The following AHRR variants were observed in gnomAD, a reference collection of about 807,000 sequenced individuals.
The protein encoded by AHRR is aryl hydrocarbon receptor repressor.
In AHRR, 28 loss-of-function variants were observed where a neutral mutation model predicts 44.0. The ratio of observed to expected loss-of-function variants is 0.64; its 90% CI spans 0.47 to 0.87. AHRR has a LOEUF of 0.87. Ranked by LOEUF, AHRR falls within the 40% of genes least tolerant of loss-of-function variation. The probability of loss-of-function intolerance (pLI) is 0.00; values close to 1 mark genes in which losing one functional copy is unlikely to be tolerated. For synonymous variants in AHRR, 434 were observed against 407.0 expected (o/e 1.07, Z -0.80); for missense variants, 990 against 953.9 (o/e 1.04, Z -0.50).
intron 3 of AHRR, 56 bp downstream of exon 3, chr5:353,967 A>T (rs1742955878): frequency 1.3e-6 from 2 of 1,554,316 alleles, no homozygotes; most frequent in East Asian, 4.5e-5. Flanking sequence ...GTCTCCCCTG[A>T]GTCCATCTGG....
chr5:349,740 G>C (rs940829942), intron 2 of AHRR, among the ~76,000 whole-genome samples: 1 of 152,156 alleles, frequency 6.6e-6, no homozygotes, highest in Non-Finnish European at 1.5e-5. Flanking sequence ...TTTTACAGTA[G>C]TTTAAAGCAC....
intron 1 of AHRR, among the ~76,000 whole-genome samples, chr5:335,548 A>C (rs1343883059): frequency 6.6e-6 from 1 of 152,172 alleles, no homozygotes; most frequent in East Asian, 1.9e-4. Flanking sequence ...TGGACCAGGC[A>C]AGCTTGCTCT....
intron 5 of AHRR, chr5:422,463 CTT>C (rs1320290398): frequency 4.1e-6 from 2 of 489,268 alleles, no homozygotes; most frequent in African/African-American, 3.9e-5. Flanking sequence ...ATGCCCGTCT[CTT>C]AGCCTCCCGC....
intron 5 of AHRR, among the ~76,000 whole-genome samples, chr5:415,439 TCGGGCGGGAGGCC>T (rs1735712850): frequency 8.1e-6 from 1 of 122,806 alleles, no homozygotes; most frequent in African/African-American, 4.1e-5. Context: ...ATCTGCCTGG[TCGGGCGGGAGGCC>T]TAGGGGCCGA....
intron 3 of AHRR, among the ~76,000 whole-genome samples, chr5:368,646 C>T (rs1171144406): frequency 6.6e-6 from 1 of 152,212 alleles, no homozygotes; most frequent in East Asian, 1.9e-4. Context: ...TCCACGATAA[C>T]GTGGGGTTCC....
intron 3 of AHRR, 40 bp from the exon 4 acceptor site, chr5:376,570 A>AAGATGTGAATGAATGAGAGCGGAG: frequency 6.5e-7 from 1 of 1,527,276 alleles, no homozygotes; most frequent in Non-Finnish European, 8.8e-7. Flanking sequence ...GGCCAGGCCA[A>AAGATGTGAATGAATGAGAGCGGAG]GGGTTGGGGG....
At chr5:403,694 T>TTTACTTTC in intron 4 of AHRR, 1 of 816,446 alleles carries the variant, frequency 1.2e-6, no homozygotes, top group Non-Finnish European at 1.9e-6. Flanking sequence ...TTTTTTTTTT[T>TTTACTTTC]TACTTTCTCT....
In AHRR at chr5:413,319, TTTTTTG is replaced by T. The variant is rs774629868; in HGVS notation, c.352-20_352-15del. 69 of 1,548,500 alleles carry T rather than the reference TTTTTTG, an allele frequency of 4.5e-5. No homozygotes were observed. In the South Asian group the frequency reaches 8.0e-4, roughly 18 times the overall value. On this transcript the variant is annotated intron_variant, in intron 4 of 10. Coordinates refer to ENST00000684583, the MANE Select transcript of AHRR (RefSeq NM_001377236.1). ...TTTTGGGTGAGCCAATTCGATTTTTTTTTTTGTTTTGTTTTTTCTTCTAGTCTCTTA... is the reference window on the plus strand; with the variant it reads ...TTTTGGGTGAGCCAATTCGATTTTTTTTTTGTTTTTTCTTCTAGTCTCTTA...
chr5:397,908 T>C (rs1455074539), intron 4 of AHRR, among the ~76,000 whole-genome samples: 7 of 76,990 alleles, frequency 9.1e-5, no homozygotes, highest in East Asian at 9.7e-4. Flanking sequence ...TGACCATCCA[T>C]GTTAGCCCCT....
At chr5:398,777 C>A (rs1013188885) in intron 4 of AHRR, among the ~76,000 whole-genome samples, 1 of 152,208 alleles carries the variant, frequency 6.6e-6, no homozygotes, top group South Asian at 2.1e-4. Context: ...GGCCTTCTGC[C>A]GCCAGGCCTG....
chr5:353,749 G>A lies in AHRR; in HGVS notation c.82G>A (p.Glu28Lys). 6.2e-7 allele frequency: 1 copy of A among 1,611,720 alleles called. No individual in the cohort carries two copies. Among genetic ancestry groups the A allele is most frequent in the Non-Finnish European group, 8.5e-7 (1 of 1,179,584 alleles). Residue 28 changes from glutamate (E) to lysine (K), a missense_variant, in exon 3 of 11, where the codon GAG becomes AAG. Physicochemically the swap from Glu to Lys is moderately conservative, Grantham distance 56. Transcript: ENST00000684583. ...LQKQRPAVGA[E>K]KSNPSKRHRD... is the part of the protein sequence containing the mutation. Reference sequence around the variant, plus strand: ...CCACAGGAGGCCCGCCGTGGGGGCAGAGAAGTCCAACCCCTCCAAGCGACA... The same window carrying A: ...CCACAGGAGGCCCGCCGTGGGGGCAAAGAAGTCCAACCCCTCCAAGCGACA...
At chr5:417,530 C>T (rs980986729) in intron 5 of AHRR, among the ~76,000 whole-genome samples, 1 of 152,244 alleles carries the variant, frequency 6.6e-6, no homozygotes, top group Non-Finnish European at 1.5e-5. Context: ...ACTCTAGTTA[C>T]TGCATCTTGA....
chr5:421,028 C>A, intron 5 of AHRR: 1 of 502,134 alleles, frequency 2.0e-6, no homozygotes, highest in Non-Finnish European at 3.5e-6. Flanking sequence ...AAAGTTGAAA[C>A]CATAGCAAGA....
chr5:380,173 C>A (rs1733924672), intron 4 of AHRR, among the ~76,000 whole-genome samples: 1 of 152,134 alleles, frequency 6.6e-6, no homozygotes, highest in South Asian at 2.1e-4. Context: ...ACTCTGTATT[C>A]TGTTCTATAT....
At chr5:350,416 C>G (rs1477780867) in intron 2 of AHRR, among the ~76,000 whole-genome samples, 1 of 152,212 alleles carries the variant, frequency 6.6e-6, no homozygotes, top group East Asian at 1.9e-4. Flanking sequence ...TTGATGAATC[C>G]TCCTGCGAGT....
At position 370,242 on chromosome 5, in the gene AHRR, C is replaced by T. The variant is rs1320999127; in HGVS notation, c.245-6368C>T. 1.6e-4 allele frequency among the ~76,000 whole-genome samples: 24 copies of T among 151,090 alleles called. No individual in the cohort carries two copies. The East Asian group carries it at 4.7e-3, about 30-fold the overall frequency. On this transcript the variant is annotated intron_variant, in intron 3 of 10. Transcript: ENST00000684583. This position sits in a 1 kb window ranked among gnomAD's most constrained non-coding sequence, Gnocchi z 4.5. ...CGCTGGAAGCCCCGTCCTCCCGGGC[C>T]CTCGCTGGTGCCCCGACCTCCTGGG...
At chr5:352,506 T>G (rs202064828) in intron 2 of AHRR, among the ~76,000 whole-genome samples, 2 of 118,348 alleles carry the variant, frequency 1.7e-5, no homozygotes, top group Admixed American at 8.3e-5. Flanking sequence ...CTGTAGGGGA[T>G]GGTCACTGTG....
At chr5:377,923 C>T (rs748951833) in intron 4 of AHRR, among the ~76,000 whole-genome samples, 1 of 152,198 alleles carries the variant, frequency 6.6e-6, no homozygotes, top group South Asian at 2.1e-4. Flanking sequence ...GACACTGTGG[C>T]CCTCCTGCTG....
intron 3 of AHRR, among the ~76,000 whole-genome samples, chr5:362,014 A>G (rs1743202266): frequency 1.3e-5 from 2 of 152,224 alleles, no homozygotes; most frequent in Non-Finnish European, 2.9e-5. Flanking sequence ...TGTGTCCCCT[A>G]AAACTCATAT....
Sources: allele counts gnomAD v4.1 joint callset (sites outside exome capture counted in the v4.1 genomes callset), GRCh38; gene constraint gnomAD v4.1.1; non-coding constraint Gnocchi (gnomAD v3.1); transcripts MANE v1.5; gene names NCBI Gene and HGNC (gene_info 2026-07-23, HGNC 2026-07-21).